The following DLGAP2 variants were observed in gnomAD, a reference collection of about 807,000 sequenced individuals.
DLGAP2 encodes disks large-associated protein 2.
DLGAP2 carries 26 observed loss-of-function variants against 100.3 expected under a neutral mutation model. That is an observed-to-expected ratio of 0.26 (90% confidence interval 0.19 to 0.36). The LOEUF (loss-of-function observed/expected upper bound fraction) is 0.36, where lower values mean the gene tolerates loss of function less well. DLGAP2 is among the 10% of genes least tolerant of loss of function. The pLI is 1.00. For synonymous variants in DLGAP2, 886 were observed against 630.1 expected (o/e 1.41, Z -6.08); for missense variants, 1,858 against 1,453.2 (o/e 1.28, Z -4.53).
intron 4 of DLGAP2, among the ~76,000 whole-genome samples, chr8:1,539,019 G>A (rs1231767370): frequency 1.3e-5 from 2 of 151,870 alleles, no homozygotes; most frequent in African/African-American, 4.8e-5. Context: ...CTGAGTAGCT[G>A]GGATTACAGG....
intron 2 of DLGAP2, among the ~76,000 whole-genome samples, chr8:955,520 C>G (rs116518210): frequency 0.012 from 1,897 of 152,128 alleles, 46 homozygotes; most frequent in African/African-American, 0.043. Flanking sequence ...ATTTCTGAGC[C>G]CCGGGTTGGG....
chr8:1,437,831 A>AC (rs1031464724), intron 3 of DLGAP2, among the ~76,000 whole-genome samples: 1 of 149,652 alleles, frequency 6.7e-6, no homozygotes, highest in African/African-American at 2.5e-5. Flanking sequence ...AAAAAAAAAA[A>AC]AAAAATTAGC....
intron 3 of DLGAP2, among the ~76,000 whole-genome samples, chr8:1,488,681 G>A (rs1430137563): frequency 6.6e-6 from 1 of 152,188 alleles, no homozygotes; most frequent in Non-Finnish European, 1.5e-5. Flanking sequence ...CTGCCACGGA[G>A]TAGTTGTGGG....
At chr8:1,675,341 C>G (rs1421100125) in intron 10 of DLGAP2, among the ~76,000 whole-genome samples, 1 of 152,252 alleles carries the variant, frequency 6.6e-6, no homozygotes, top group Non-Finnish European at 1.5e-5. Flanking sequence ...AGTCACCCCC[C>G]TCCTCTGATC....
chr8:1,553,366 C>T (rs896909212), intron 5 of DLGAP2, among the ~76,000 whole-genome samples: 1 of 152,208 alleles, frequency 6.6e-6, no homozygotes, highest in Non-Finnish European at 1.5e-5. Context: ...TGAAGAGGTT[C>T]GGACTCCCAG....
intron 1 of DLGAP2, among the ~76,000 whole-genome samples, chr8:877,150 T>C (rs1797700788): frequency 6.6e-6 from 1 of 152,184 alleles, no homozygotes; most frequent in Non-Finnish European, 1.5e-5. Flanking sequence ...TAGTTTGTGT[T>C]GCCTGCCTCT....
chr8:1,495,609 A>G (rs551082757), intron 3 of DLGAP2, among the ~76,000 whole-genome samples: 2 of 152,276 alleles, frequency 1.3e-5, no homozygotes, highest in Admixed American at 6.5e-5. Flanking sequence ...TTGCCTCTGC[A>G]CCTACTGGGA....
chr8:797,103 C>T (rs1054471934), intron 1 of DLGAP2, among the ~76,000 whole-genome samples: 4 of 152,132 alleles, frequency 2.6e-5, no homozygotes, highest in Non-Finnish European at 5.9e-5. Flanking sequence ...ATAAAATGAA[C>T]AGGTATTAAG....
chr8:1,351,381 G>T (rs572822683), intron 3 of DLGAP2, among the ~76,000 whole-genome samples: 1 of 45,000 alleles, frequency 2.2e-5, no homozygotes, highest in African/African-American at 6.6e-5. Context: ...TGGAAAGGCC[G>T]TGCGGGTCCT....
At chr8:1,119,101 A>G (rs1008680811) in intron 2 of DLGAP2, among the ~76,000 whole-genome samples, 1 of 152,224 alleles carries the variant, frequency 6.6e-6, no homozygotes, top group Non-Finnish European at 1.5e-5. Context: ...TTTTCAATTG[A>G]TAAGTGATTT....
intron 1 of DLGAP2, among the ~76,000 whole-genome samples, chr8:836,224 C>T (rs1796872765): frequency 6.6e-6 from 1 of 152,236 alleles, no homozygotes. Context: ...CCCCGGCCGC[C>T]TCCTGCTTCC....
intron 3 of DLGAP2, among the ~76,000 whole-genome samples, chr8:1,468,861 A>C (rs921754321): frequency 1.3e-5 from 2 of 152,122 alleles, no homozygotes; most frequent in East Asian, 3.9e-4. Context: ...TCCTGGGGCC[A>C]CGCTGCCCGG....
chr8:1,664,626 A>G (rs1327807668), intron 8 of DLGAP2, among the ~76,000 whole-genome samples: 8 of 152,134 alleles, frequency 5.3e-5, no homozygotes, highest in Non-Finnish European at 7.4e-5. Context: ...CCCCTTATCA[A>G]TGGTCTCTGG....
intron 6 of DLGAP2, among the ~76,000 whole-genome samples, chr8:1,594,518 A>G (rs565330966): frequency 1.6e-4 from 25 of 152,284 alleles, no homozygotes; most frequent in African/African-American, 6.0e-4. Context: ...ACTCAAAGAC[A>G]ACATCGTTAC....
chr8:1,329,258 T>A (rs970056330), intron 3 of DLGAP2, among the ~76,000 whole-genome samples: 1 of 152,310 alleles, frequency 6.6e-6, no homozygotes, highest in East Asian at 1.9e-4. Context: ...TGAAATTGTT[T>A]CATGGAATGA....
At chr8:1,325,630 A>T (rs1801004387) in intron 3 of DLGAP2, among the ~76,000 whole-genome samples, 1 of 152,216 alleles carries the variant, frequency 6.6e-6, no homozygotes. Flanking sequence ...AGCATACCCT[A>T]CAGGGCCTGA....
intron 2 of DLGAP2, among the ~76,000 whole-genome samples, chr8:1,254,933 C>CCTCTGCTGCCCGTGTGCTGTGTCTGTGCT (rs1563043068): frequency 4.5e-5 from 6 of 134,048 alleles, no homozygotes; most frequent in African/African-American, 1.7e-4. Flanking sequence ...GTGTGTGTGC[C>CCTCTGCTGCCCGTGTGCTGTGTCTGTGCT]CTCTCCTGCC....
chr8:1,449,862 ACGAGG>A (rs1798094674), intron 3 of DLGAP2, among the ~76,000 whole-genome samples: 28 of 146,608 alleles, frequency 1.9e-4, no homozygotes, highest in Non-Finnish European at 3.5e-4. Flanking sequence ...GAGGGTGAAG[ACGAGG>A]TGGGCGGCCT....
chr8:1,242,868 G>C (rs1798828159), intron 2 of DLGAP2, among the ~76,000 whole-genome samples: 1 of 151,842 alleles, frequency 6.6e-6, no homozygotes, highest in Non-Finnish European at 1.5e-5. Context: ...GGACGGATGT[G>C]TGGATGGTCA....
Sources: gnomAD v4.1 joint callset for allele counts (sites outside exome capture counted in the v4.1 genomes callset) on GRCh38, gnomAD v4.1.1 for gene constraint, MANE v1.5 for transcripts, NCBI Gene and HGNC (gene_info 2026-07-23, HGNC 2026-07-21) for gene names.